COL8A1: variants seen among roughly 807,000 people sequenced by gnomAD.
The protein encoded by COL8A1 is collagen alpha-1(VIII) chain.
COL8A1 carries 21 observed loss-of-function variants against 42.7 expected under a neutral mutation model. That is an observed-to-expected ratio of 0.49 (90% CI 0.35 to 0.71). COL8A1 has a LOEUF of 0.71. Among genes scored for constraint, COL8A1 ranks in the 30% least tolerant of loss-of-function variants. The probability of loss-of-function intolerance (pLI) is 0.01; values close to 1 mark genes in which losing one functional copy is unlikely to be tolerated. For missense variants in COL8A1, 788 were observed against 962.4 expected, an observed-to-expected ratio of 0.82 and a Z score of 2.40; for synonymous variants, 367 against 369.1, an observed-to-expected ratio of 0.99 and a Z score of 0.06.
At chr3:99,701,398 T>G (rs1050375970) in intron 1 of COL8A1, among the ~76,000 whole-genome samples, 10 of 152,174 alleles carry the variant, frequency 6.6e-5, no homozygotes, top group African/African-American at 2.4e-4. Context: ...GCTTTACCCC[T>G]ACACATAATG....
chr3:99,656,554 C>T (rs1938028229), intron 1 of COL8A1, among the ~76,000 whole-genome samples: 2 of 150,470 alleles, frequency 1.3e-5, no homozygotes, highest in African/African-American at 4.9e-5. Flanking sequence ...TATTTCAAAA[C>T]TTGAAAATCC....
chr3:99,656,917 T>C (rs1938039860), intron 1 of COL8A1, among the ~76,000 whole-genome samples: 2 of 152,236 alleles, frequency 1.3e-5, no homozygotes, highest in African/African-American at 4.8e-5. Context: ...GCCATCCCCA[T>C]TGAAGCCCTT....
intron 2 of COL8A1, among the ~76,000 whole-genome samples, chr3:99,752,035 G>C (rs1941160545): frequency 6.6e-6 from 1 of 152,072 alleles, no homozygotes; most frequent in African/African-American, 2.4e-5. Flanking sequence ...ATGCATTTAT[G>C]AAAATATGCT....
At chr3:99,648,507 AAAGT>A (rs1378335848) in intron 1 of COL8A1, among the ~76,000 whole-genome samples, 1 of 152,070 alleles carries the variant, frequency 6.6e-6, no homozygotes, top group Non-Finnish European at 1.5e-5. Context: ...CAGAGCCAAA[AAAGT>A]AAGGACTGTG....
intron 1 of COL8A1, among the ~76,000 whole-genome samples, chr3:99,651,457 C>T (rs1314678726): frequency 2.0e-5 from 3 of 152,236 alleles, no homozygotes; most frequent in Non-Finnish European, 4.4e-5. Flanking sequence ...CAACCTGAAA[C>T]ACTGCGAAGA....
chr3:99,732,141 TAATA>T (rs1940528672), intron 1 of COL8A1, among the ~76,000 whole-genome samples: 1 of 152,138 alleles, frequency 6.6e-6, no homozygotes, highest in Non-Finnish European at 1.5e-5. Context: ...AGGCAAAAAC[TAATA>T]AATAAATAAA....
intron 2 of COL8A1, among the ~76,000 whole-genome samples, chr3:99,757,537 GC>G (rs1281781095): frequency 6.6e-6 from 1 of 152,100 alleles, no homozygotes; most frequent in Non-Finnish European, 1.5e-5. Context: ...TCTTTTGACT[GC>G]CGTATTAATT....
intron 1 of COL8A1, among the ~76,000 whole-genome samples, chr3:99,700,947 G>T (rs879892340): frequency 6.6e-6 from 1 of 152,130 alleles, no homozygotes; most frequent in Non-Finnish European, 1.5e-5. Context: ...AGCTTCCCAC[G>T]TATAGGCTTT....
intron 1 of COL8A1, among the ~76,000 whole-genome samples, chr3:99,676,202 A>G (rs1938688126): frequency 6.6e-6 from 1 of 152,156 alleles, no homozygotes; most frequent in African/African-American, 2.4e-5. Context: ...CTTCTTACAA[A>G]GAAAACTCCA....
rs1941001369 is a variant in COL8A1 at position 99,745,260 on chromosome 3, T to G, written c.-4+239T>G. On this transcript the variant is annotated intron_variant, in intron 2 of 3. Coordinates refer to ENST00000652472, the MANE Select transcript of COL8A1 (RefSeq NM_020351.4). ...ATGTGCAGAGTGTGATCCTAGCTGATTTTTAAGTCTAGGCATGTTGAATAG... is the reference window on the plus strand; with the variant it reads ...ATGTGCAGAGTGTGATCCTAGCTGAGTTTTAAGTCTAGGCATGTTGAATAG... Among the ~76,000 whole-genome samples, 3 of 152,210 alleles carry G rather than the reference T, an allele frequency of 2.0e-5. No homozygotes were observed. In the South Asian group the frequency reaches 6.2e-4, roughly 32 times the overall value.
At position 99,797,008 on chromosome 3, in the gene COL8A1, C is replaced by T. The variant is rs960890329; in HGVS notation, c.*872C>T. 6.6e-6 allele frequency: 1 copy of T among 152,100 alleles called. No individual in the cohort carries two copies. The highest frequency in any genetic ancestry group is 2.4e-5 in the African/African-American group (1 of 41,422). The allele number at this position is 152,100 out of a possible 1,614,324, so 9.4% of individuals were successfully genotyped here. On this transcript the variant is annotated 3_prime_UTR_variant, in exon 4 of 4. Coordinates refer to ENST00000652472, the MANE Select transcript of COL8A1 (RefSeq NM_020351.4). ...TTCCTCCATGTAATTTTCACTATGG[C>T]CCAACTAATATAAACACCTGGAAAT...
chr3:99,705,590 C>T (rs1030417531), intron 1 of COL8A1, among the ~76,000 whole-genome samples: 2 of 152,092 alleles, frequency 1.3e-5, no homozygotes, highest in South Asian at 2.1e-4. Flanking sequence ...TCTAAAGGTT[C>T]CAAGAGAGGT....
At chr3:99,751,833 T>A (rs1941155716) in intron 2 of COL8A1, among the ~76,000 whole-genome samples, 2 of 152,222 alleles carry the variant, frequency 1.3e-5, no homozygotes, top group Non-Finnish European at 2.9e-5. Flanking sequence ...AGGTTATTCA[T>A]TCATTACTCA....
intron 1 of COL8A1, among the ~76,000 whole-genome samples, chr3:99,741,114 TTTCATC>T (rs989690547): frequency 3.3e-5 from 5 of 152,208 alleles, no homozygotes; most frequent in African/African-American, 1.2e-4. Context: ...TTAAATATAT[TTTCATC>T]TTGGCTGATT....
At chr3:99,743,454 G>A (rs1239219906) in intron 1 of COL8A1, among the ~76,000 whole-genome samples, 1 of 151,862 alleles carries the variant, frequency 6.6e-6, no homozygotes, top group Non-Finnish European at 1.5e-5. Flanking sequence ...TCAGAGCCTG[G>A]GCCTTGTACT....
rs1236432697 is a variant in COL8A1, at chr3:99,797,839, C to T, written c.*1703C>T. 6.6e-6 allele frequency: 1 copy of T among 152,158 alleles called. No individual in the cohort carries two copies. Among genetic ancestry groups the T allele is most frequent in the Non-Finnish European group, 1.5e-5 (1 of 68,028 alleles). The allele number at this position is 152,158 out of a possible 1,614,324, so 9.4% of individuals were successfully genotyped here. ...GCACAAATCAAAGGCCAATACAAGT[C>T]TGAAAAGCAGAAATAAATATTTTTC... On this transcript the variant is annotated 3_prime_UTR_variant, in exon 4 of 4. Transcript: ENST00000652472.
chr3:99,701,982 T>G (rs1304592503), intron 1 of COL8A1, among the ~76,000 whole-genome samples: 2 of 152,188 alleles, frequency 1.3e-5, no homozygotes, highest in African/African-American at 4.8e-5. Context: ...AAGGAGCCTA[T>G]GATGAAGAAT....
chr3:99,790,780 T>G lies in COL8A1; in HGVS notation c.98T>G (p.Ile33Ser), dbSNP rs1203992050. The G allele has an allele frequency of 1.2e-5, 19 of 1,614,152 alleles. No individual in the cohort carries two copies. In the East Asian group the frequency reaches 4.2e-4, roughly 36 times the overall value. ...RLIQAGAYYG[I>S]KPLPPQIPPQ... ...ATTCAGGCTGGTGCCTACTATGGGATCAAGCCGCTGCCACCTCAAATTCCT... is the reference window on the plus strand; with the variant it reads ...ATTCAGGCTGGTGCCTACTATGGGAGCAAGCCGCTGCCACCTCAAATTCCT... Residue 33 changes from isoleucine to serine, a missense_variant, in exon 3 of 4, where the codon ATC becomes AGC. Transcript: ENST00000652472.
At chr3:99,689,070 C>T (rs1386180555) in intron 1 of COL8A1, among the ~76,000 whole-genome samples, 1 of 152,168 alleles carries the variant, frequency 6.6e-6, no homozygotes, top group South Asian at 2.1e-4. Context: ...GTAATGGCCC[C>T]TTTAAGGCAA....
Sources: allele counts gnomAD v4.1 joint callset (sites outside exome capture counted in the v4.1 genomes callset), GRCh38; gene constraint gnomAD v4.1.1; transcripts MANE v1.5; gene names NCBI Gene and HGNC (gene_info 2026-07-23, HGNC 2026-07-21).